Variants in C1orf21 observed in about 807,000 individuals in gnomAD.
The protein encoded by C1orf21 is chromosome 1 open reading frame 21, also known as uncharacterized protein C1orf21.
Under a neutral mutation model 18.7 loss-of-function variants are expected in C1orf21, and 3 were observed. That is an observed-to-expected ratio of 0.16 (90% CI 0.07 to 0.42). The LOEUF (loss-of-function observed/expected upper bound fraction) is 0.42. Ranked by LOEUF, C1orf21 falls within the 10% of genes least tolerant of loss-of-function variation. The pLI is 0.99. For missense variants in C1orf21, 104 were observed against 143.6 expected, an observed-to-expected ratio of 0.72 and a Z score of 1.41; for synonymous variants, 41 against 46.4, an observed-to-expected ratio of 0.88 and a Z score of 0.47.
chr1:184,460,007 T>G (rs921857600), intron 1 of C1orf21, among the ~76,000 whole-genome samples: 2 of 152,174 alleles, frequency 1.3e-5, no homozygotes, highest in Admixed American at 6.5e-5. Flanking sequence ...TCTCCAGCTC[T>G]TGTTCTTCAG....
intron 4 of C1orf21, chr1:184,592,109 G>A (rs560215687): frequency 6.6e-6 from 1 of 152,294 alleles, no homozygotes; most frequent in East Asian, 1.9e-4. Flanking sequence ...TGACCAAATG[G>A]AGGACAGTGG....
intron 1 of C1orf21, among the ~76,000 whole-genome samples, chr1:184,433,001 C>T (rs562373736): frequency 6.6e-6 from 1 of 152,274 alleles, no homozygotes; most frequent in African/African-American, 2.4e-5. Flanking sequence ...AAGTCAGACC[C>T]AAGAGGTACA....
At chr1:184,593,906 A>G (rs1210957707) in intron 4 of C1orf21, among the ~76,000 whole-genome samples, 1 of 152,260 alleles carries the variant, frequency 6.6e-6, no homozygotes, top group East Asian at 1.9e-4. Context: ...GACGCACTCT[A>G]TAAAGTTAAA....
At chr1:184,615,665 G>T (rs574916303) in intron 5 of C1orf21, among the ~76,000 whole-genome samples, 91 of 152,314 alleles carry the variant, frequency 6.0e-4, no homozygotes, top group Middle Eastern at 6.8e-3. Context: ...AATGAGACAT[G>T]AAGTCATGCT....
intron 2 of C1orf21, among the ~76,000 whole-genome samples, chr1:184,495,602 G>A (rs552599679): frequency 3.0e-4 from 45 of 151,960 alleles, no homozygotes; most frequent in Non-Finnish European, 5.0e-4. Context: ...AATATTCTCT[G>A]TAAAAGACAC....
chr1:184,553,227 C>T (rs192519036), intron 3 of C1orf21, among the ~76,000 whole-genome samples: 10 of 152,110 alleles, frequency 6.6e-5, no homozygotes, highest in African/African-American at 2.4e-4. Context: ...ACTGTTTATT[C>T]GTAAGTCCAA....
chr1:184,550,827 G>A lies in C1orf21; in HGVS notation c.190-39912G>A, dbSNP rs904142926. ...GCTGGGATTACAGGCATGAGTTGCC[G>A]CACCAGGCTGTCTTCTGGTTTTGTA... On this transcript the variant is annotated intron_variant, in intron 3 of 5. Transcript: ENST00000235307. Among the ~76,000 whole-genome samples the A allele has an allele frequency of 4.6e-5, 7 of 152,082 alleles. No individual in the cohort carries two copies. In the East Asian group the frequency reaches 7.7e-4, roughly 17 times the overall value.
At chr1:184,593,470 T>A (rs1659471917) in intron 4 of C1orf21, among the ~76,000 whole-genome samples, 1 of 152,204 alleles carries the variant, frequency 6.6e-6, no homozygotes. Flanking sequence ...TTCTTCCCCA[T>A]GAGTGGAAGG....
intron 5 of C1orf21, among the ~76,000 whole-genome samples, chr1:184,617,798 C>A (rs1659851242): frequency 6.6e-6 from 1 of 152,004 alleles, no homozygotes; most frequent in Admixed American, 6.6e-5. Flanking sequence ...GGGGTGAATC[C>A]CATTCTAAGG....
chr1:184,390,954 C>A (rs190036443), intron 1 of C1orf21, among the ~76,000 whole-genome samples: 1 of 152,068 alleles, frequency 6.6e-6, no homozygotes, highest in Non-Finnish European at 1.5e-5. Flanking sequence ...AGAAAGATTG[C>A]GACAGTGAAA....
chr1:184,411,019 T>C (rs1656345232), intron 1 of C1orf21, among the ~76,000 whole-genome samples: 1 of 151,912 alleles, frequency 6.6e-6, no homozygotes, highest in Non-Finnish European at 1.5e-5. Context: ...AATTCTAAAA[T>C]CCTGCAGAGA....
At chr1:184,426,391 A>C (rs954911279) in intron 1 of C1orf21, among the ~76,000 whole-genome samples, 2 of 152,112 alleles carry the variant, frequency 1.3e-5, no homozygotes, top group Admixed American at 6.5e-5. Context: ...GTCTGATTAC[A>C]TCGCTCCCCT....
At chr1:184,587,527 TGTG>T in intron 3 of C1orf21, among the ~76,000 whole-genome samples, 2 of 11,148 alleles carry the variant, frequency 1.8e-4, no homozygotes, top group African/African-American at 3.6e-3. Context: ...CTAGGAATTG[TGTG>T]TGTGTGTGTG....
At position 184,507,590 on chromosome 1, in the gene C1orf21, G is replaced by C; in HGVS notation, c.97G>C (p.Glu33Gln). The change falls in exon 3 of 6, where the codon GAG (glutamate) becomes CAG (glutamine). Residue 33 changes from glutamate to glutamine, a missense_variant and splice_region_variant. Glu to Gln is a conservative substitution (Grantham distance 29). Transcript: ENST00000235307. ...NYQNGDVFGD[E>Q]YRIKPVEEVK... is the part of the protein sequence containing the mutation. ...TGTTTTCTTTTTTTGGCACTCAGAT[G>C]AGTATAGGATCAAACCAGTGGAAGA... 6.3e-7 allele frequency: 1 copy of C among 1,584,578 alleles called. No homozygotes were observed. Among genetic ancestry groups the C allele is most frequent in the Non-Finnish European group, 8.5e-7 (1 of 1,171,058 alleles).
chr1:184,416,147 A>G (rs543899995), intron 1 of C1orf21, among the ~76,000 whole-genome samples: 8 of 152,294 alleles, frequency 5.3e-5, no homozygotes, highest in South Asian at 2.1e-4. Context: ...GGCAAACTGA[A>G]TATCTCTTTC....
chr1:184,610,764 C>T (rs1292313920), intron 5 of C1orf21, among the ~76,000 whole-genome samples: 1 of 150,376 alleles, frequency 6.6e-6, no homozygotes, highest in Non-Finnish European at 1.5e-5. Flanking sequence ...AGGAGAATGG[C>T]GTGAACCTGG....
At chr1:184,501,923 T>G (rs1478076747) in intron 2 of C1orf21, among the ~76,000 whole-genome samples, 1 of 152,146 alleles carries the variant, frequency 6.6e-6, no homozygotes, top group Non-Finnish European at 1.5e-5. Context: ...GAAGAGACAC[T>G]TCACAAATAA....
In C1orf21 at chr1:184,507,593, T is replaced by C. The variant is rs763185622; in HGVS notation, c.100T>C (p.Tyr34His). 12 of 1,598,950 alleles carry C rather than the reference T, an allele frequency of 7.5e-6. No homozygotes were observed. The Admixed American group carries it at 2.2e-4, about 29-fold the overall frequency. Residue 34 changes from tyrosine to histidine, a missense_variant, in exon 3 of 6, where the codon TAT becomes CAT. Coordinates refer to ENST00000235307, the MANE Select transcript of C1orf21 (RefSeq NM_030806.4). The part of the protein sequence containing the change: ...YQNGDVFGDE[Y>H]RIKPVEEVKY... ...TTTCTTTTTTTGGCACTCAGATGAG[T>C]ATAGGATCAAACCAGTGGAAGAGGT... is the stretch of plus-strand genomic sequence containing the variant.
intron 3 of C1orf21, among the ~76,000 whole-genome samples, chr1:184,512,272 A>T (rs1658161732): frequency 6.6e-6 from 1 of 152,178 alleles, no homozygotes; most frequent in African/African-American, 2.4e-5. Context: ...ACTGTGCATG[A>T]TCTGCTTAAT....
Sources: gnomAD v4.1 joint callset for allele counts (sites outside exome capture counted in the v4.1 genomes callset) on GRCh38, gnomAD v4.1.1 for gene constraint, MANE v1.5 for transcripts, NCBI Gene and HGNC (gene_info 2026-07-23, HGNC 2026-07-21) for gene names.